The following BCKDHB variants were observed in gnomAD, a reference collection of about 807,000 sequenced individuals.
BCKDHB encodes the protein branched chain keto acid dehydrogenase E1 subunit beta.
In BCKDHB, 41 loss-of-function variants were observed where a neutral mutation model predicts 48.5. The observed-to-expected ratio is 0.85, with a 90% CI of 0.66 to 1.10. The LOEUF is 1.10. BCKDHB is among the 50% of genes least tolerant of loss of function. The pLI is 0.00. For missense variants in BCKDHB, 496 were observed against 494.2 expected (o/e 1.00, Z -0.03); for synonymous variants, 201 against 174.8 (o/e 1.15, Z -1.18).
intron 9 of BCKDHB, among the ~76,000 whole-genome samples, chr6:80,291,841 A>C (rs1303045275): frequency 1.3e-5 from 2 of 152,232 alleles, no homozygotes; most frequent in Non-Finnish European, 2.9e-5. Context: ...CTAAAGACAT[A>C]GTGGTAAGAC....
chr6:80,310,209 AG>A (rs1768086494), intron 9 of BCKDHB, among the ~76,000 whole-genome samples: 1 of 152,078 alleles, frequency 6.6e-6, no homozygotes, highest in Admixed American at 6.6e-5. Flanking sequence ...CCAAGTATTA[AG>A]CCCAGCATCT....
At chr6:80,451,558 C>A in the BCKDHB span, among the ~76,000 whole-genome samples, 2 of 151,840 alleles carry the variant, frequency 1.3e-5, no homozygotes, top group Non-Finnish European at 2.9e-5. Flanking sequence ...GCCAACATGG[C>A]AAAACCCATT....
At chr6:80,220,384 TATCTCTG>T (rs1287338522) in intron 8 of BCKDHB, among the ~76,000 whole-genome samples, 4 of 144,512 alleles carry the variant, frequency 2.8e-5, no homozygotes, top group Non-Finnish European at 4.6e-5. Context: ...TTCTATAGAT[TATCTCTG>T]TTTCTTTAGT....
intron 9 of BCKDHB, among the ~76,000 whole-genome samples, chr6:80,305,026 A>G (rs1355833399): frequency 6.6e-6 from 1 of 152,104 alleles, no homozygotes; most frequent in African/African-American, 2.4e-5. Flanking sequence ...TTATTGTTGT[A>G]CTCGATGTCC....
the BCKDHB span, among the ~76,000 whole-genome samples, chr6:80,359,767 G>A: frequency 6.6e-6 from 1 of 152,032 alleles, no homozygotes; most frequent in Non-Finnish European, 1.5e-5. Context: ...GCTAATTTTT[G>A]TATTTTTAGT....
At chr6:80,374,352 G>A in the BCKDHB span, 4 of 884,692 alleles carry the variant, frequency 4.5e-6, no homozygotes, top group Non-Finnish European at 7.7e-6. Context: ...CCACTGCTTG[G>A]CCTGGGCACA....
At chr6:80,338,099 A>G (rs546014829) in intron 9 of BCKDHB, among the ~76,000 whole-genome samples, 5 of 152,330 alleles carry the variant, frequency 3.3e-5, no homozygotes, top group Admixed American at 2.6e-4. Context: ...GCTGTAGCCA[A>G]CTTTCCGTCA....
chr6:80,396,252 G>A, the BCKDHB span, among the ~76,000 whole-genome samples: 7 of 152,210 alleles, frequency 4.6e-5, no homozygotes, highest in Non-Finnish European at 8.8e-5. Context: ...GCCCAAGAAA[G>A]CAGCCAGGAG....
At chr6:80,303,474 AATGCCTGGGAAC>A (rs1767689693) in intron 9 of BCKDHB, among the ~76,000 whole-genome samples, 1 of 152,176 alleles carries the variant, frequency 6.6e-6, no homozygotes, top group African/African-American at 2.4e-5. Context: ...AACTTCTTCA[AATGCCTGGGAAC>A]ATGCCCACAC....
chr6:80,240,889 A>G (rs1408469678), intron 8 of BCKDHB, among the ~76,000 whole-genome samples: 1 of 152,168 alleles, frequency 6.6e-6, no homozygotes, highest in Non-Finnish European at 1.5e-5. Flanking sequence ...AGGTACACCA[A>G]TCAGACATAG....
chr6:80,411,777 C>A, the BCKDHB span, among the ~76,000 whole-genome samples: 1 of 152,220 alleles, frequency 6.6e-6, no homozygotes, highest in Non-Finnish European at 1.5e-5. Flanking sequence ...AAGCCAGGCA[C>A]GGGAGGGAAT....
intron 8 of BCKDHB, among the ~76,000 whole-genome samples, chr6:80,249,065 A>G (rs996215240): frequency 1.3e-5 from 2 of 149,150 alleles, no homozygotes; most frequent in Non-Finnish European, 2.9e-5. Flanking sequence ...CTTCTTAACC[A>G]TGTTAACATG....
chr6:80,420,438 G>T, the BCKDHB span, among the ~76,000 whole-genome samples: 1 of 152,170 alleles, frequency 6.6e-6, no homozygotes, highest in African/African-American at 2.4e-5. Flanking sequence ...ATAAAGCCAG[G>T]CCTGGTGCTA....
chr6:80,405,650 G>C, the BCKDHB span, among the ~76,000 whole-genome samples: 2 of 151,238 alleles, frequency 1.3e-5, no homozygotes, highest in Non-Finnish European at 2.9e-5. Context: ...TTTTTGCAGT[G>C]CAGTGGTATG....
At chr6:80,394,212 AT>A in the BCKDHB span, among the ~76,000 whole-genome samples, 1 of 151,700 alleles carries the variant, frequency 6.6e-6, no homozygotes, top group Non-Finnish European at 1.5e-5. Context: ...TGTATTTCTA[AT>A]TTTCTTATGT....
At chr6:80,111,332 G>A (rs1304589460) in intron 1 of BCKDHB, among the ~76,000 whole-genome samples, 1 of 152,158 alleles carries the variant, frequency 6.6e-6, no homozygotes. Context: ...ACCCTGGGTC[G>A]CTTCAGTCTT....
intron 6 of BCKDHB, among the ~76,000 whole-genome samples, chr6:80,200,424 C>G (rs1774335511): frequency 6.6e-6 from 1 of 152,000 alleles, no homozygotes; most frequent in Non-Finnish European, 1.5e-5. Context: ...TTCCAAACCC[C>G]CATAAATTTG....
At chr6:80,402,213 T>C in the BCKDHB span, among the ~76,000 whole-genome samples, 1 of 151,816 alleles carries the variant, frequency 6.6e-6, no homozygotes, top group African/African-American at 2.4e-5. Flanking sequence ...ATGATGCTTA[T>C]AACAATTTAC....
chr6:80,388,144 C>T, the BCKDHB span, among the ~76,000 whole-genome samples: 1 of 152,120 alleles, frequency 6.6e-6, no homozygotes, highest in South Asian at 2.1e-4. Context: ...TTACTCTGGC[C>T]CATTTATTGA....
Sources: gnomAD v4.1 joint callset for allele counts (sites outside exome capture counted in the v4.1 genomes callset) on GRCh38, gnomAD v4.1.1 for gene constraint, MANE v1.5 for transcripts, NCBI Gene and HGNC (gene_info 2026-07-23, HGNC 2026-07-21) for gene names.